Variants in HOXB7 observed in about 807,000 individuals in gnomAD.
The protein encoded by HOXB7 is homeobox protein Hox-B7.
A neutral mutation model predicts 19.2 loss-of-function variants in HOXB7; 11 were observed. That is an observed-to-expected ratio of 0.57 (90% CI 0.36 to 0.95). HOXB7 has a LOEUF of 0.95. Among genes scored for constraint, HOXB7 ranks in the 40% least tolerant of loss-of-function variants. HOXB7 has a pLI of 0.01. For missense variants in HOXB7, 318 were observed against 301.1 expected, an observed-to-expected ratio of 1.06 and a Z score of -0.42; for synonymous variants, 141 against 130.2, an observed-to-expected ratio of 1.08 and a Z score of -0.56.
chr17:48,608,663 C>T (rs927040172), intron 1 of HOXB7, among the ~76,000 whole-genome samples: 5 of 152,158 alleles, frequency 3.3e-5, no homozygotes, highest in African/African-American at 1.2e-4. Context: ...TCTTTTTTAG[C>T]CTGGAGCTTC....
At chr17:48,610,085 G>A (rs1022222745) in intron 1 of HOXB7, among the ~76,000 whole-genome samples, 6 of 152,012 alleles carry the variant, frequency 3.9e-5, no homozygotes, top group Non-Finnish European at 8.8e-5. Context: ...GAGTGGGGCA[G>A]GGGGACACAC....
intron 1 of HOXB7, among the ~76,000 whole-genome samples, chr17:48,609,641 G>A (rs993167561): frequency 5.3e-5 from 8 of 152,202 alleles, no homozygotes; most frequent in African/African-American, 1.9e-4. Context: ...CAGCTGGCTA[G>A]GTGAACTGCA....
In HOXB7 at chr17:48,610,685, A is replaced by G. The variant is rs544669731; in HGVS notation, c.234T>C (p.Tyr78=). Residue 78 remains tyrosine (Y), a synonymous_variant, in exon 1 of 2, where the codon TAT becomes TAC. Coordinates refer to ENST00000239165, the MANE Select transcript of HOXB7 (RefSeq NM_004502.4). ...QSAAGVYAAG[Y]GLEPSSFNMH... is the part of the protein sequence containing the mutation. The stretch of plus-strand genomic sequence containing the variant: ...TGTTGAAGGAACTCGGCTCGAGCCC[A>G]TAGCCGGCCGCGTAGACGCCGGCCG... 4 of 1,574,296 alleles carry G rather than the reference A, an allele frequency of 2.5e-6. No individual in the cohort carries two copies. Among genetic ancestry groups the G allele is most frequent in the African/African-American group, 2.7e-5 (2 of 73,474 alleles).
At position 48,610,829 on chromosome 17, in the gene HOXB7, A is replaced by G. The variant is rs772452772; in HGVS notation, c.90T>C (p.Thr30=). The G allele has an allele frequency of 2.5e-5, 39 of 1,580,118 alleles. 1 individual carries two copies. In the South Asian group the frequency reaches 4.4e-4, roughly 18 times the overall value. Residue 30 remains threonine (T), a synonymous_variant, in exon 1 of 2, where the codon ACT becomes ACC. Coordinates refer to ENST00000239165, the MANE Select transcript of HOXB7 (RefSeq NM_004502.4). Reference sequence around the variant, plus strand: ...GGGGGTTGGAAGCAAACGCACAAGAAGTTTGTTCTGGGAAGGCTCCGGTAG... The same window carrying G: ...GGGGGTTGGAAGCAAACGCACAAGAGGTTTGTTCTGGGAAGGCTCCGGTAG... The part of the protein sequence containing the change: ...VFATGAFPEQ[T]SCAFASNPQR...
chr17:48,609,232 G>A (rs2070618979), intron 1 of HOXB7, among the ~76,000 whole-genome samples: 1 of 152,206 alleles, frequency 6.6e-6, no homozygotes, highest in East Asian at 1.9e-4. Context: ...TCTGCATTAG[G>A]ACCAGAACCT....
chr17:48,610,650 G>A lies in HOXB7; in HGVS notation c.269C>T (p.Ala90Val). The change falls in exon 1 of 2, where the codon GCG (alanine) becomes GTG (valine). Residue 90 changes from alanine to valine, a missense_variant. By Grantham distance (64) the Ala-to-Val change is moderately conservative. Transcript: ENST00000239165. ...LEPSSFNMHC[A>V]PFEQNLSGVC... ...CCCGGAGAGGTTCTGCTCAAAGGGCGCGCAGTGCATGTTGAAGGAACTCGG... is the reference window on the plus strand; with the variant it reads ...CCCGGAGAGGTTCTGCTCAAAGGGCACGCAGTGCATGTTGAAGGAACTCGG... 6 of 1,575,822 alleles carry A rather than the reference G, an allele frequency of 3.8e-6. No individual in the cohort carries two copies. Among genetic ancestry groups the A allele is most frequent in the Non-Finnish European group, 5.2e-6 (6 of 1,160,720 alleles).
chr17:48,607,995 GCGC>G lies in HOXB7; in HGVS notation c.498_500del (p.Arg167del), dbSNP rs749008302. On this transcript the variant is annotated inframe_deletion, in exon 2 of 2. Coordinates refer to ENST00000239165, the MANE Select transcript of HOXB7 (RefSeq NM_004502.4). Reference sequence around the variant, plus strand: ...GGCAGAGCGTGTGCGCGATCTCGATGCGCCGCCGCCGCGTCAGGTAGCGATTGT... The same window carrying G: ...GGCAGAGCGTGTGCGCGATCTCGATGCGCCGCCGCGTCAGGTAGCGATTGT... The G allele has an allele frequency of 3.1e-6, 5 of 1,614,052 alleles. No homozygotes were observed. The highest frequency in any genetic ancestry group is 4.2e-6 in the Non-Finnish European group (5 of 1,180,036).
Position 48,607,949 on chromosome 17 carries a change from T to C in HOXB7, c.547A>G (p.Ile183Val). Residue 183 changes from isoleucine to valine, a missense_variant, in exon 2 of 2, where the codon ATT becomes GTT. Physicochemically the swap from Ile to Val is conservative, Grantham distance 29. Transcript: ENST00000239165. Reference protein sequence around the residue: ...TLCLTERQIKIWFQNRRMKWK... With the variant: ...TLCLTERQIKVWFQNRRMKWK... Reference sequence around the variant, plus strand: ...TTCATGCGCCGGTTCTGAAACCAAATCTTGATCTGTCTTTCCGTGAGGCAG... The same window carrying C: ...TTCATGCGCCGGTTCTGAAACCAAACCTTGATCTGTCTTTCCGTGAGGCAG... 6.2e-7 allele frequency: 1 copy of C among 1,614,174 alleles called. No individual in the cohort carries two copies. Among genetic ancestry groups the C allele is most frequent in the Non-Finnish European group, 8.5e-7 (1 of 1,180,034 alleles).
chr17:48,607,888 G>A lies in HOXB7; in HGVS notation c.608C>T (p.Thr203Ile), dbSNP rs772118729. Residue 203 changes from threonine to isoleucine, a missense_variant, in exon 2 of 2, where the codon ACC becomes ATC. Transcript: ENST00000239165. ...KKENKTAGPG[T>I]TGQDRAEAEE... Reference sequence around the variant, plus strand: ...TGCTTCAGCCCTGTCTTGGCCGGTGGTCCCCGGGCCCGCGGTCTTGTTCTC... The same window carrying A: ...TGCTTCAGCCCTGTCTTGGCCGGTGATCCCCGGGCCCGCGGTCTTGTTCTC... The A allele has an allele frequency of 2.5e-6, 4 of 1,613,656 alleles. No homozygotes were observed. The highest frequency in any genetic ancestry group is 1.3e-5 in the African/African-American group (1 of 74,734).
Position 48,610,514 on chromosome 17 carries a change from G to A in HOXB7, c.400+5C>T, listed in dbSNP as rs1320423966. The A allele has an allele frequency of 1.1e-5, 17 of 1,480,770 alleles. No homozygotes were observed. The highest frequency in any genetic ancestry group is 1.5e-5 in the Non-Finnish European group (17 of 1,108,950). The allele number at this position is 1,480,770 out of a possible 1,614,324, so 91.7% of individuals were successfully genotyped here. A position where few individuals can be genotyped will look rare whatever the true frequency, so the allele number is the denominator to read the frequency against. On this transcript the variant is annotated splice_donor_5th_base_variant and intron_variant, in intron 1 of 1. Transcript: ENST00000239165. ...GGCTCAGGACAGCTCGGTGCGCGGCGTTACCTGAGCTTCGCATCCAGGGGT... is the reference window on the plus strand; with the variant it reads ...GGCTCAGGACAGCTCGGTGCGCGGCATTACCTGAGCTTCGCATCCAGGGGT...
intron 1 of HOXB7, among the ~76,000 whole-genome samples, chr17:48,608,850 C>T (rs553882273): frequency 3.3e-4 from 51 of 152,322 alleles, no homozygotes; most frequent in Non-Finnish European, 6.2e-4. Context: ...ATGCAAGTGA[C>T]CCTGGAGTGG....
chr17:48,607,980 G>A lies in HOXB7; in HGVS notation c.516C>T (p.His172=). ...LTRRRRIEIA[H]TLCLTERQIK... is the part of the protein sequence containing the mutation. ...TCTGTCTTTCCGTGAGGCAGAGCGT[G>A]TGCGCGATCTCGATGCGCCGCCGCC... Residue 172 remains histidine (H), a synonymous_variant, in exon 2 of 2, where the codon CAC becomes CAT. Coordinates refer to ENST00000239165, the MANE Select transcript of HOXB7 (RefSeq NM_004502.4). The A allele has an allele frequency of 6.2e-7, 1 of 1,614,174 alleles. No individual in the cohort carries two copies. The highest frequency in any genetic ancestry group is 8.5e-7 in the Non-Finnish European group (1 of 1,180,036).
chr17:48,610,402 G>C, intron 1 of HOXB7, 117 bp downstream of exon 1: 1 of 1,079,248 alleles, frequency 9.3e-7, no homozygotes, highest in Non-Finnish European at 1.2e-6. Flanking sequence ...TTCCAGGGCC[G>C]ACCTCCGGCT....
rs577733705 is a variant in HOXB7 at position 48,607,796 on chromosome 17, T to C, written c.*46A>G. The C allele has an allele frequency of 8.8e-6, 13 of 1,484,572 alleles. No individual in the cohort carries two copies. In the East Asian group the frequency reaches 3.0e-4, roughly 34 times the overall value. The allele number at this position is 1,484,572 out of a possible 1,614,324, so 92.0% of individuals were successfully genotyped here. A position where few individuals can be genotyped will look rare whatever the true frequency, so the allele number is the denominator to read the frequency against. ...TTCAGTTCCCAGAGCTGGGCTTCTC[T>C]TCCTCTCCCTTTCTCATGTCTCTTC... is the stretch of plus-strand genomic sequence containing the variant. On this transcript the variant is annotated 3_prime_UTR_variant, in exon 2 of 2. Transcript: ENST00000239165.
At chr17:48,608,692 C>A (rs1182248499) in intron 1 of HOXB7, among the ~76,000 whole-genome samples, 1 of 152,184 alleles carries the variant, frequency 6.6e-6, no homozygotes, top group Non-Finnish European at 1.5e-5. Context: ...GGAAAGTAAT[C>A]TGCTGGCTCT....
Position 48,610,982 on chromosome 17 carries a change from T to A in HOXB7, c.-64A>T. ...GTCGGTTTTACGAGATTCCTTGATA[T>A]ATTACAGAATTAGAGTCCAGATTTA... On this transcript the variant is annotated 5_prime_UTR_variant, in exon 1 of 2. Transcript: ENST00000239165. The A allele has an allele frequency of 7.4e-7, 1 of 1,351,576 alleles. No individual in the cohort carries two copies. The highest frequency in any genetic ancestry group is 9.8e-7 in the Non-Finnish European group (1 of 1,015,582). The allele number at this position is 1,351,576 out of a possible 1,614,324, so 83.7% of individuals were successfully genotyped here. A position where few individuals can be genotyped will look rare whatever the true frequency, so the allele number is the denominator to read the frequency against.
At chr17:48,608,220 G>C in intron 1 of HOXB7, 125 bp from the exon 2 acceptor site, 5 of 1,227,904 alleles carry the variant, frequency 4.1e-6, no homozygotes, top group Non-Finnish European at 5.5e-6. Flanking sequence ...TCAGGAGATC[G>C]AGACCAACCT....
intron 1 of HOXB7, 137 bp downstream of exon 1, chr17:48,610,382 G>A (rs2070630817): frequency 1.3e-6 from 1 of 771,618 alleles, no homozygotes. Flanking sequence ...GCGGCCCAGT[G>A]GGTGCAGCCT....
chr17:48,608,017 C>T lies in HOXB7; in HGVS notation c.479G>A (p.Arg160His). The stretch of plus-strand genomic sequence containing the variant: ...GATGCGCCGCCGCCGCGTCAGGTAG[C>T]GATTGTAGTGAAATTCTTTCTCCAG... ...LELEKEFHYNRYLTRRRRIEI... is the reference protein window; with the variant it reads ...LELEKEFHYNHYLTRRRRIEI... Residue 160 changes from arginine (R) to histidine (H), a missense_variant, in exon 2 of 2, where the codon CGC becomes CAC. Arg to His is a conservative substitution (Grantham distance 29). Coordinates refer to ENST00000239165, the MANE Select transcript of HOXB7 (RefSeq NM_004502.4). 1 of 1,614,194 alleles carries T rather than the reference C, an allele frequency of 6.2e-7. No individual in the cohort carries two copies. The highest frequency in any genetic ancestry group is 8.5e-7 in the Non-Finnish European group (1 of 1,180,038).
Sources: allele counts gnomAD v4.1 joint callset (sites outside exome capture counted in the v4.1 genomes callset), GRCh38; gene constraint gnomAD v4.1.1; transcripts MANE v1.5; gene names NCBI Gene and HGNC (gene_info 2026-07-23, HGNC 2026-07-21).